Variants in FNDC3B observed in about 807,000 individuals in gnomAD.
FNDC3B encodes the protein fibronectin type III domain-containing protein 3B.
Under a neutral mutation model 151.5 loss-of-function variants are expected in FNDC3B, and 12 were observed. The ratio of observed to expected loss-of-function variants is 0.08; its 90% CI spans 0.05 to 0.13. The LOEUF is 0.13. Ranked by LOEUF, FNDC3B falls within the 10% of genes least tolerant of loss-of-function variation. The pLI is 1.00. For synonymous variants in FNDC3B, 528 were observed against 549.0 expected (o/e 0.96, Z 0.54); for missense variants, 1,214 against 1,505.3 (o/e 0.81, Z 3.20).
At chr3:172,282,852 T>C (rs1729808622) in intron 6 of FNDC3B, among the ~76,000 whole-genome samples, 2 of 152,220 alleles carry the variant, frequency 1.3e-5, no homozygotes, top group South Asian at 4.1e-4. Flanking sequence ...CCTGGAGAAA[T>C]CACATCTACT....
intron 3 of FNDC3B, among the ~76,000 whole-genome samples, chr3:172,219,636 G>A (rs1726169060): frequency 6.6e-6 from 1 of 152,138 alleles, no homozygotes; most frequent in African/African-American, 2.4e-5. Flanking sequence ...CCACCCTCCT[G>A]CCTCAGCCTT....
rs1250206085 is a variant in FNDC3B, at chr3:172,239,787, A to AG, written c.265-7746_265-7745insG. Among the ~76,000 whole-genome samples, 95 of 149,730 alleles carry AG rather than the reference A, an allele frequency of 6.3e-4. 1 individual carries two copies. The highest frequency in any genetic ancestry group is 2.1e-3 in the African/African-American group (88 of 41,152). On this transcript the variant is annotated intron_variant, in intron 4 of 25. Transcript: ENST00000415807. ...CTGTTAGCTAAGACAAAAAAAAAAA[A>AG]AAAGAAAAAAAGCAAATAACAACAA...
At chr3:172,336,206 CTT>C (rs1466366422) in intron 15 of FNDC3B, among the ~76,000 whole-genome samples, 2 of 152,134 alleles carry the variant, frequency 1.3e-5, no homozygotes, top group East Asian at 1.9e-4. Flanking sequence ...ATAAGTAAAA[CTT>C]AAGATTTTTT....
intron 4 of FNDC3B, among the ~76,000 whole-genome samples, chr3:172,242,174 G>A (rs898304894): frequency 1.3e-5 from 2 of 152,248 alleles, no homozygotes; most frequent in African/African-American, 4.8e-5. Context: ...CTCTGCCCCT[G>A]TGGCTTTGCA....
At chr3:172,179,350 C>T (rs549381307) in intron 3 of FNDC3B, among the ~76,000 whole-genome samples, 1 of 152,324 alleles carries the variant, frequency 6.6e-6, no homozygotes, top group Non-Finnish European at 1.5e-5. Context: ...GTTTGAGCTG[C>T]CGTGCCTGGC....
At chr3:172,388,927 T>C (rs1247093481) in intron 25 of FNDC3B, among the ~76,000 whole-genome samples, 1 of 152,226 alleles carries the variant, frequency 6.6e-6, no homozygotes, top group Non-Finnish European at 1.5e-5. Context: ...CCTAGGAGGT[T>C]GCTACATGTT....
chr3:172,109,347 T>C (rs545942500), intron 1 of FNDC3B, among the ~76,000 whole-genome samples: 67 of 152,182 alleles, frequency 4.4e-4, no homozygotes, highest in Admixed American at 9.8e-4. Context: ...TTTGTATTTT[T>C]AGTAGAGACG....
chr3:172,196,963 A>C (rs1357920142), intron 3 of FNDC3B, among the ~76,000 whole-genome samples: 2 of 152,158 alleles, frequency 1.3e-5, no homozygotes, highest in African/African-American at 4.8e-5. Context: ...CGGACGGATC[A>C]TGAGGTCAGG....
chr3:172,321,758 T>C, intron 11 of FNDC3B: 1 of 192,352 alleles, frequency 5.2e-6, no homozygotes, highest in Non-Finnish European at 1.0e-5. Flanking sequence ...TTATTTATTT[T>C]TTATAAATTT....
At chr3:172,332,162 G>C (rs1053065450) in intron 13 of FNDC3B, among the ~76,000 whole-genome samples, 2 of 152,040 alleles carry the variant, frequency 1.3e-5, no homozygotes. Flanking sequence ...TAGAGACGGG[G>C]TTTCTCCATG....
intron 6 of FNDC3B, among the ~76,000 whole-genome samples, chr3:172,279,521 C>T (rs1300591819): frequency 6.6e-6 from 1 of 152,204 alleles, no homozygotes; most frequent in African/African-American, 2.4e-5. Context: ...CTGGTATTCC[C>T]TTGGCTACCT....
chr3:172,098,845 G>A (rs777931519), intron 1 of FNDC3B, among the ~76,000 whole-genome samples: 9 of 152,120 alleles, frequency 5.9e-5, no homozygotes, highest in Non-Finnish European at 1.3e-4. Context: ...TTGCTGCCTT[G>A]GAAAATTCTT....
intron 3 of FNDC3B, among the ~76,000 whole-genome samples, chr3:172,173,437 T>A (rs1297277761): frequency 6.6e-6 from 1 of 152,094 alleles, no homozygotes. Context: ...TTGAAGTCAC[T>A]GCTTGTAAGA....
intron 21 of FNDC3B, among the ~76,000 whole-genome samples, chr3:172,351,497 TA>T (rs1733849535): frequency 6.6e-6 from 1 of 152,220 alleles, no homozygotes. Flanking sequence ...GCAGATCATA[TA>T]GTCCTGTAGG....
At chr3:172,156,911 C>T (rs1158967862) in intron 3 of FNDC3B, among the ~76,000 whole-genome samples, 6 of 152,106 alleles carry the variant, frequency 3.9e-5, no homozygotes, top group African/African-American at 7.2e-5. Flanking sequence ...CTCAATATTC[C>T]GGTCTGCATG....
At chr3:172,115,938 C>G (rs936393454) in intron 2 of FNDC3B, among the ~76,000 whole-genome samples, 1 of 152,158 alleles carries the variant, frequency 6.6e-6, no homozygotes, top group African/African-American at 2.4e-5. Context: ...TTCCCACAGC[C>G]CTCCTCCTTC....
chr3:172,122,272 C>G (rs1720591381), intron 2 of FNDC3B, among the ~76,000 whole-genome samples: 1 of 112,376 alleles, frequency 8.9e-6, no homozygotes, highest in African/African-American at 3.0e-5. Context: ...TGCAGATACT[C>G]ATTCTCGTTC....
intron 23 of FNDC3B, among the ~76,000 whole-genome samples, chr3:172,364,766 C>G (rs1357307943): frequency 1.3e-5 from 2 of 152,160 alleles, no homozygotes; most frequent in Non-Finnish European, 2.9e-5. Flanking sequence ...TTTCTTCCCC[C>G]CTCAAAAAGC....
intron 25 of FNDC3B, among the ~76,000 whole-genome samples, chr3:172,392,810 C>CTTTTTCTT (rs1553800991): frequency 1.5e-4 from 15 of 99,874 alleles, no homozygotes; most frequent in Admixed American, 1.5e-4. Flanking sequence ...TTTTTTTTTT[C>CTTTTTCTT]TTTTTTTTTT....
Sources: gnomAD v4.1 joint callset for allele counts (sites outside exome capture counted in the v4.1 genomes callset) on GRCh38, gnomAD v4.1.1 for gene constraint, MANE v1.5 for transcripts, NCBI Gene and HGNC (gene_info 2026-07-23, HGNC 2026-07-21) for gene names.